Variants in MTCL3 observed in about 807,000 individuals in gnomAD.
MTCL3 encodes microtubule cross-linking factor 3.
At chr6:127,509,294 T>G in the MTCL3 span, among the ~76,000 whole-genome samples, 2 of 152,182 alleles carry the variant, frequency 1.3e-5, no homozygotes, top group Non-Finnish European at 2.9e-5. Flanking sequence ...TCAATTCTTC[T>G]TACTCCCAGG....
the MTCL3 span, among the ~76,000 whole-genome samples, chr6:127,502,764 A>C: frequency 2.0e-5 from 3 of 152,210 alleles, no homozygotes; most frequent in Admixed American, 6.5e-5. Context: ...GCACCTTCAC[A>C]TATGTTATCT....
chr6:127,499,508 T>G, the MTCL3 span, among the ~76,000 whole-genome samples: 1 of 152,076 alleles, frequency 6.6e-6, no homozygotes, highest in Non-Finnish European at 1.5e-5. Context: ...GAAGAAAAAA[T>G]AGAGCACATA....
At chr6:127,509,171 G>A in the MTCL3 span, among the ~76,000 whole-genome samples, 4 of 152,176 alleles carry the variant, frequency 2.6e-5, no homozygotes, top group Admixed American at 2.0e-4. Context: ...ATTAAGATTC[G>A]AAGGCAGCAT....
chr6:127,516,810 G>A, the MTCL3 span: 4 of 924,778 alleles, frequency 4.3e-6, no homozygotes, highest in Admixed American at 6.1e-5. Flanking sequence ...TTTGACTTTA[G>A]GAATAGGATG....
the MTCL3 span, chr6:127,475,627 G>C: frequency 1.1e-5 from 17 of 1,598,720 alleles, no homozygotes; most frequent in Non-Finnish European, 1.4e-5. The surrounding 1 kb of genome is among the most constrained non-coding windows in gnomAD (Gnocchi z 7.3). Flanking sequence ...CCCGGGCGCC[G>C]GGTAGAAGGA....
the MTCL3 span, among the ~76,000 whole-genome samples, chr6:127,507,808 A>C: frequency 1.4e-5 from 2 of 139,554 alleles, no homozygotes; most frequent in African/African-American, 5.5e-5. Flanking sequence ...GCACCACTGC[A>C]CTCCAGCCTG....
chr6:127,512,938 C>T, the MTCL3 span: 1 of 1,612,276 alleles, frequency 6.2e-7, no homozygotes, highest in South Asian at 1.1e-5. Flanking sequence ...TTTGCAATTT[C>T]AACTTCTATG....
chr6:127,505,393 T>C, the MTCL3 span, among the ~76,000 whole-genome samples: 2,597 of 152,292 alleles, frequency 0.017, 33 homozygotes, highest in Middle Eastern at 0.061. Flanking sequence ...TGGAGGCCAT[T>C]ATCCTTAGCA....
chr6:127,486,271 T>G, the MTCL3 span, among the ~76,000 whole-genome samples: 1 of 152,222 alleles, frequency 6.6e-6, no homozygotes, highest in African/African-American at 2.4e-5. Context: ...TGAATAAAGA[T>G]ACATTAGCTT....
chr6:127,505,306 G>A, the MTCL3 span, among the ~76,000 whole-genome samples: 1 of 152,094 alleles, frequency 6.6e-6, no homozygotes, highest in Admixed American at 6.5e-5. Context: ...AGAAGAATGT[G>A]GTACATATTC....
the MTCL3 span, among the ~76,000 whole-genome samples, chr6:127,498,731 A>G: frequency 6.6e-6 from 1 of 152,238 alleles, no homozygotes; most frequent in African/African-American, 2.4e-5. Flanking sequence ...ATTGAATATT[A>G]TTTGGAAATA....
the MTCL3 span, among the ~76,000 whole-genome samples, chr6:127,475,029 G>C: frequency 9.2e-3 from 1,403 of 152,334 alleles, 24 homozygotes; most frequent in African/African-American, 0.03. The surrounding 1 kb of genome is among the most constrained non-coding windows in gnomAD (Gnocchi z 7.3). Flanking sequence ...ACAATTGAGG[G>C]TAATGGTGTT....
the MTCL3 span, among the ~76,000 whole-genome samples, chr6:127,511,652 T>C: frequency 2.0e-5 from 3 of 152,240 alleles, no homozygotes; most frequent in African/African-American, 7.2e-5. Context: ...CTCCATATTT[T>C]TCTACTATAG....
At chr6:127,475,640 G>C in the MTCL3 span, 2 of 1,596,592 alleles carry the variant, frequency 1.3e-6, no homozygotes, top group South Asian at 1.1e-5. This position sits in a 1 kb window ranked among gnomAD's most constrained non-coding sequence, Gnocchi z 7.3. Flanking sequence ...TAGAAGGAGC[G>C]AGTGGGCGTG....
the MTCL3 span, among the ~76,000 whole-genome samples, chr6:127,491,878 CAA>C: frequency 0.09 from 5,464 of 60,520 alleles, 354 homozygotes; most frequent in African/African-American, 0.27. Flanking sequence ...GACCCTGTCT[CAA>C]AAAAAAAAAA....
the MTCL3 span, among the ~76,000 whole-genome samples, chr6:127,477,742 G>A: frequency 1.3e-5 from 2 of 152,068 alleles, no homozygotes; most frequent in African/African-American, 4.8e-5. Context: ...AGAGCTGCTG[G>A]GTGTGCAGAG....
the MTCL3 span, chr6:127,482,813 A>C: frequency 1.1e-6 from 1 of 873,808 alleles, no homozygotes; most frequent in Non-Finnish European, 1.7e-6. This position sits in a 1 kb window ranked among gnomAD's most constrained non-coding sequence, Gnocchi z 4.1. Context: ...TTTGTTTTGC[A>C]TAAGTTTATC....
At chr6:127,516,630 A>G in the MTCL3 span, 176 of 1,592,690 alleles carry the variant, frequency 1.1e-4, no homozygotes, top group Non-Finnish European at 1.5e-4. Flanking sequence ...TGAACCTACC[A>G]GATGCGATTT....
the MTCL3 span, among the ~76,000 whole-genome samples, chr6:127,495,502 CA>C: frequency 6.6e-6 from 1 of 152,142 alleles, no homozygotes; most frequent in Non-Finnish European, 1.5e-5. Context: ...GCTTCGAACT[CA>C]TTAATGCAGT....
Sources: gnomAD v4.1 joint callset for allele counts (sites outside exome capture counted in the v4.1 genomes callset) on GRCh38, gnomAD v4.1.1 for gene constraint, Gnocchi (gnomAD v3.1) non-coding constraint, MANE v1.5 for transcripts, NCBI Gene and HGNC (gene_info 2026-07-23, HGNC 2026-07-21) for gene names.